The following GCNT2 variants were observed in gnomAD, a reference collection of about 807,000 sequenced individuals.
GCNT2 encodes N-acetyllactosaminide beta-1,6-N-acetylglucosaminyl-transferase.
A neutral mutation model predicts 34.2 loss-of-function variants in GCNT2; 34 were observed. The ratio of observed to expected loss-of-function variants is 1.00; its 90% CI spans 0.76 to 1.32. The LOEUF (loss-of-function observed/expected upper bound fraction) is 1.32. GCNT2 is among the 40% of genes most tolerant of loss of function. The pLI is 0.00. For missense variants in GCNT2, 584 were observed against 489.4 expected (o/e 1.19, Z -1.82); for synonymous variants, 212 against 188.0 (o/e 1.13, Z -1.04).
chr6:10,562,580 G>A (rs1319443990), intron 3 of GCNT2, among the ~76,000 whole-genome samples: 1 of 149,684 alleles, frequency 6.7e-6, no homozygotes, highest in Non-Finnish European at 1.5e-5. Context: ...CACCAGGCAT[G>A]GTGGTGTGCG....
chr6:10,576,920 C>CAATAAT (rs142548361), intron 3 of GCNT2, among the ~76,000 whole-genome samples: 1 of 151,304 alleles, frequency 6.6e-6, no homozygotes, highest in Non-Finnish European at 1.5e-5. Context: ...AAAATAATAA[C>CAATAAT]AATAATAATA....
chr6:10,582,653 G>C (rs936954214), intron 3 of GCNT2, among the ~76,000 whole-genome samples: 4 of 145,900 alleles, frequency 2.7e-5, no homozygotes, highest in African/African-American at 1.0e-4. Flanking sequence ...AGGGGAGGCA[G>C]TGATGGGGAA....
chr6:10,560,395 T>C (rs1356746606), intron 3 of GCNT2, among the ~76,000 whole-genome samples: 1 of 152,124 alleles, frequency 6.6e-6, no homozygotes, highest in Admixed American at 6.5e-5. Flanking sequence ...CGGGCTGAGC[T>C]CTTCTATTTT....
In GCNT2 at chr6:10,529,805, A is replaced by G; in HGVS notation, c.894A>G (p.Glu298=). The change falls in exon 3 of 5, where the codon GAA becomes GAG. Residue 298 remains glutamate (E), a synonymous_variant. Coordinates refer to ENST00000495262, the MANE Select transcript of GCNT2 (RefSeq NM_145649.5). ...SWSKDTYSPD[E]HFWVTLNRIP... Reference sequence around the variant, plus strand: ...CCAAGGACACCTACAGCCCCGACGAACATTTCTGGGTGACACTCAACAGGA... The same window carrying G: ...CCAAGGACACCTACAGCCCCGACGAGCATTTCTGGGTGACACTCAACAGGA... 6.2e-7 allele frequency: 1 copy of G among 1,614,120 alleles called. No individual in the cohort carries two copies.
At chr6:10,556,504 T>TG (rs772690308) in intron 3 of GCNT2, 1 of 1,614,156 alleles carries the variant, frequency 6.2e-7, no homozygotes, top group South Asian at 1.1e-5. Flanking sequence ...TGTTCAATTT[T>TG]GGGGGAGATC....
At chr6:10,600,475 A>G (rs1288166552) in intron 3 of GCNT2, among the ~76,000 whole-genome samples, 1 of 152,144 alleles carries the variant, frequency 6.6e-6, no homozygotes, top group Non-Finnish European at 1.5e-5. Flanking sequence ...GTATAGAGTC[A>G]CGCATCCACT....
At chr6:10,583,484 T>C (rs1409373949) in intron 3 of GCNT2, among the ~76,000 whole-genome samples, 1 of 152,124 alleles carries the variant, frequency 6.6e-6, no homozygotes, top group African/African-American at 2.4e-5. Flanking sequence ...ATTTCTCCCT[T>C]GGAAGTGTCC....
At chr6:10,568,988 T>G (rs754556119) in intron 3 of GCNT2, among the ~76,000 whole-genome samples, 4 of 152,202 alleles carry the variant, frequency 2.6e-5, no homozygotes, top group African/African-American at 9.7e-5. Context: ...TTTTATGTCA[T>G]TCTAGAATCT....
At chr6:10,527,055 C>T (rs1581356398) in intron 1 of GCNT2, among the ~76,000 whole-genome samples, 1 of 152,158 alleles carries the variant, frequency 6.6e-6, no homozygotes, top group East Asian at 1.9e-4. Context: ...ATATATATCT[C>T]CTACAAATCA....
At chr6:10,614,523 G>A (rs1765681973) in intron 3 of GCNT2, among the ~76,000 whole-genome samples, 1 of 151,806 alleles carries the variant, frequency 6.6e-6, no homozygotes, top group Non-Finnish European at 1.5e-5. Flanking sequence ...CTACTTGGAA[G>A]GCTGAAGCAG....
intron 3 of GCNT2, among the ~76,000 whole-genome samples, chr6:10,591,868 T>C (rs879553983): frequency 6.6e-6 from 1 of 152,222 alleles, no homozygotes; most frequent in Non-Finnish European, 1.5e-5. Flanking sequence ...CACTGAGCTA[T>C]TTAGAAGGTA....
intron 3 of GCNT2, among the ~76,000 whole-genome samples, chr6:10,541,249 G>A (rs573174060): frequency 1.3e-5 from 2 of 152,292 alleles, no homozygotes; most frequent in South Asian, 4.1e-4. Flanking sequence ...TCCCACGTAT[G>A]AGAACATGCG....
chr6:10,599,309 A>AG (rs1381730095), intron 3 of GCNT2, among the ~76,000 whole-genome samples: 1 of 152,244 alleles, frequency 6.6e-6, no homozygotes, highest in Non-Finnish European at 1.5e-5. Context: ...CAGCAATCCC[A>AG]GGCCAGTGTT....
At chr6:10,553,271 GT>G (rs1037247183) in intron 3 of GCNT2, among the ~76,000 whole-genome samples, 2 of 152,194 alleles carry the variant, frequency 1.3e-5, no homozygotes, top group Non-Finnish European at 2.9e-5. Context: ...CTGGAAGCCT[GT>G]TGTGTGCTCC....
intron 1 of GCNT2, among the ~76,000 whole-genome samples, chr6:10,524,919 T>A (rs986195826): frequency 3.3e-5 from 5 of 151,094 alleles, no homozygotes; most frequent in African/African-American, 1.2e-4. Flanking sequence ...TAATCCAAGC[T>A]GTTCTTCCTC....
chr6:10,575,841 G>A (rs919803954), intron 3 of GCNT2, among the ~76,000 whole-genome samples: 1 of 151,794 alleles, frequency 6.6e-6, no homozygotes, highest in African/African-American at 2.4e-5. Context: ...CTCCCCCACT[G>A]AGCACCTTGC....
chr6:10,523,569 C>A (rs76279456), intron 1 of GCNT2, among the ~76,000 whole-genome samples: 1,699 of 152,192 alleles, frequency 0.011, 35 homozygotes, highest in African/African-American at 0.038. Flanking sequence ...CCATCCAGGT[C>A]TGGAATTAGC....
At chr6:10,537,381 G>T (rs968343732) in intron 3 of GCNT2, among the ~76,000 whole-genome samples, 2 of 152,024 alleles carry the variant, frequency 1.3e-5, no homozygotes, top group Non-Finnish European at 2.9e-5. Context: ...GAAACTCATC[G>T]CAAGTGGAAA....
intron 3 of GCNT2, among the ~76,000 whole-genome samples, chr6:10,584,690 C>A (rs1032285148): frequency 3.9e-5 from 6 of 152,196 alleles, no homozygotes; most frequent in Admixed American, 3.9e-4. Context: ...TTTTACAAAG[C>A]ATACTGCCTG....
Sources: allele counts gnomAD v4.1 joint callset (sites outside exome capture counted in the v4.1 genomes callset), GRCh38; gene constraint gnomAD v4.1.1; transcripts MANE v1.5; gene names NCBI Gene and HGNC (gene_info 2026-07-23, HGNC 2026-07-21).